The following ROBO2 variants were observed in gnomAD, a reference collection of about 807,000 sequenced individuals.
ROBO2 encodes roundabout guidance receptor 2.
Under a neutral mutation model 160.8 loss-of-function variants are expected in ROBO2, and 53 were observed. The ratio of observed to expected loss-of-function variants is 0.33; its 90% CI spans 0.26 to 0.41. The LOEUF is 0.41. Among genes scored for constraint, ROBO2 ranks in the 10% least tolerant of loss-of-function variants. The pLI is 1.00. For missense variants in ROBO2, 1,577 were observed against 1,722.4 expected (o/e 0.92, Z 1.49); for synonymous variants, 664 against 611.7 (o/e 1.09, Z -1.26).
At chr3:76,384,892 G>A (rs1169606920) in intron 2 of ROBO2, among the ~76,000 whole-genome samples, 1 of 152,196 alleles carries the variant, frequency 6.6e-6, no homozygotes, top group Non-Finnish European at 1.5e-5. Context: ...TGGGGACACA[G>A]CCAAACCCTA....
Position 76,870,785 on chromosome 3 carries a change from G to T in ROBO2, c.110-227229G>T, listed in dbSNP as rs149398393. 5.2e-3 allele frequency among the ~76,000 whole-genome samples: 783 copies of T among 149,278 alleles called. 8 individuals carry two copies. Among genetic ancestry groups the T allele is most frequent in the African/African-American group, 0.018 (719 of 41,022 alleles). The stretch of plus-strand genomic sequence containing the variant: ...TTGGTGAAGTGGTAAATTTATTTTG[G>T]CAAGTAAACAACAAAACATTAAAAA... On this transcript the variant is annotated intron_variant, in intron 2 of 26. Coordinates refer to the ROBO2 transcript ENST00000487694.
chr3:76,129,968 A>T (rs945357016), intron 2 of ROBO2, among the ~76,000 whole-genome samples: 1 of 152,014 alleles, frequency 6.6e-6, no homozygotes, highest in African/African-American at 2.4e-5. Flanking sequence ...CATAAACTAA[A>T]AGAAAGTTAA....
chr3:77,419,991 T>C (rs2153531134), intron 2 of ROBO2, among the ~76,000 whole-genome samples: 1 of 152,206 alleles, frequency 6.6e-6, no homozygotes, highest in African/African-American at 2.4e-5. Context: ...ACTGAGGCAA[T>C]TTGCATTATA....
intron 2 of ROBO2, among the ~76,000 whole-genome samples, chr3:77,010,780 C>G (rs1267991444): frequency 1.3e-5 from 2 of 151,734 alleles, no homozygotes; most frequent in African/African-American, 4.9e-5. Context: ...ACTTCATGTT[C>G]TTCATATTCC....
chr3:76,525,891 A>G (rs1251977588), intron 2 of ROBO2, among the ~76,000 whole-genome samples: 2 of 152,006 alleles, frequency 1.3e-5, no homozygotes, highest in African/African-American at 2.4e-5. Context: ...AAAAAAATAT[A>G]TATAGTAGGA....
intron 2 of ROBO2, among the ~76,000 whole-genome samples, chr3:76,044,720 T>C (rs2067393926): frequency 6.6e-6 from 1 of 152,020 alleles, no homozygotes. Context: ...ATGTGCAATG[T>C]GCATAAATAA....
intron 2 of ROBO2, among the ~76,000 whole-genome samples, chr3:76,049,166 GC>G (rs2067559231): frequency 6.6e-6 from 1 of 151,780 alleles, no homozygotes; most frequent in Non-Finnish European, 1.5e-5. Flanking sequence ...TGTGTAAGGA[GC>G]CCCCTTTTCC....
intron 2 of ROBO2, among the ~76,000 whole-genome samples, chr3:77,193,362 C>A (rs988163136): frequency 2.6e-5 from 4 of 151,758 alleles, no homozygotes; most frequent in African/African-American, 9.7e-5. Context: ...CTCACTGCAG[C>A]TTTGAACACC....
At chr3:76,781,003 G>T (rs1338552778) in intron 2 of ROBO2, among the ~76,000 whole-genome samples, 3 of 149,904 alleles carry the variant, frequency 2.0e-5, no homozygotes, top group African/African-American at 7.3e-5. Context: ...ATCACTTTAG[G>T]TATTATGAAC....
chr3:77,083,156 A>G (rs2068865019), intron 1 of ROBO2, among the ~76,000 whole-genome samples: 1 of 152,158 alleles, frequency 6.6e-6, no homozygotes, highest in African/African-American at 2.4e-5. Flanking sequence ...CCAAGTTCTA[A>G]TATAGTAAGT....
chr3:76,865,249 T>C (rs983875829), intron 2 of ROBO2, among the ~76,000 whole-genome samples: 8 of 152,170 alleles, frequency 5.3e-5, no homozygotes, highest in African/African-American at 1.9e-4. Flanking sequence ...TTGCATTCTG[T>C]TGTGGCCCAA....
intron 2 of ROBO2, among the ~76,000 whole-genome samples, chr3:76,521,269 A>T (rs2081601624): frequency 6.6e-6 from 1 of 152,004 alleles, no homozygotes; most frequent in Non-Finnish European, 1.5e-5. Context: ...AGCTGGTCTC[A>T]AACTCCTAGA....
chr3:76,959,388 C>T (rs2079494663), intron 2 of ROBO2, among the ~76,000 whole-genome samples: 1 of 152,178 alleles, frequency 6.6e-6, no homozygotes, highest in African/African-American at 2.4e-5. Flanking sequence ...AAATTCGGAA[C>T]TGTCTACTAC....
chr3:76,670,601 T>C (rs2092228952), intron 2 of ROBO2, among the ~76,000 whole-genome samples: 1 of 152,104 alleles, frequency 6.6e-6, no homozygotes, highest in Non-Finnish European at 1.5e-5. Flanking sequence ...ATCTATTACA[T>C]GCTGTAAGGA....
intron 2 of ROBO2, among the ~76,000 whole-genome samples, chr3:76,633,329 G>A (rs1000989174): frequency 2.6e-5 from 4 of 152,170 alleles, no homozygotes; most frequent in African/African-American, 9.7e-5. Context: ...GAGAGCCATA[G>A]CTGGTAGCTG....
At chr3:76,777,117 T>G (rs1277191175) in intron 2 of ROBO2, among the ~76,000 whole-genome samples, 1 of 151,068 alleles carries the variant, frequency 6.6e-6, no homozygotes, top group Non-Finnish European at 1.5e-5. Flanking sequence ...CCAAGGGCTT[T>G]AATCAAAACT....
chr3:76,579,786 C>CA (rs5850267), intron 2 of ROBO2, among the ~76,000 whole-genome samples: 105 of 107,124 alleles, frequency 9.8e-4, no homozygotes, highest in African/African-American at 2.8e-3. Flanking sequence ...GGTTGAGTTA[C>CA]AAAAAAAAAA....
intron 2 of ROBO2, among the ~76,000 whole-genome samples, chr3:76,781,793 G>C (rs2062659146): frequency 6.6e-6 from 1 of 150,704 alleles, no homozygotes; most frequent in Non-Finnish European, 1.5e-5. Context: ...GGTTTGCTAA[G>C]ATTTGGTTAA....
chr3:77,617,389 G>A, intron 21 of ROBO2, 124 bp from the exon 23 acceptor site: 1 of 1,101,792 alleles, frequency 9.1e-7, no homozygotes, highest in Non-Finnish European at 1.3e-6. Flanking sequence ...ACAGCTTCAG[G>A]AAGAAATAAA....
Sources: allele counts gnomAD v4.1 joint callset (sites outside exome capture counted in the v4.1 genomes callset), GRCh38; gene constraint gnomAD v4.1.1; transcripts MANE v1.5; gene names NCBI Gene and HGNC (gene_info 2026-07-23, HGNC 2026-07-21).